RNF213: variants seen among roughly 807,000 people sequenced by gnomAD.
RNF213 encodes E3 ubiquitin-protein ligase RNF213.
RNF213 carries 341 observed loss-of-function variants against 514.4 expected under a neutral mutation model. The observed-to-expected ratio is 0.66, with a 90% CI of 0.61 to 0.73. The LOEUF is 0.73. Ranked by LOEUF, RNF213 falls within the 30% of genes least tolerant of loss-of-function variation. The pLI is 0.00. For synonymous variants in RNF213, 2,655 were observed against 2,658.2 expected (o/e 1.00, Z 0.04); for missense variants, 5,767 against 6,615.6 (o/e 0.87, Z 4.45).
intron 22 of RNF213, 175 bp downstream of exon 22, chr17:80,334,445 C>T (rs1447912622): frequency 1.7e-5 from 11 of 640,186 alleles, no homozygotes; most frequent in South Asian, 7.3e-5. Context: ...GAGTTCACAC[C>T]GGTACAGTAT....
chr17:80,355,773 T>G (rs1599109673), intron 36 of RNF213, among the ~76,000 whole-genome samples: 1 of 67,034 alleles, frequency 1.5e-5, no homozygotes, highest in Non-Finnish European at 2.8e-5. Flanking sequence ...TGAATGGGAA[T>G]GGGGGCTCAT....
At chr17:80,333,836 A>T (rs2077907301) in intron 21 of RNF213, 2 of 451,890 alleles carry the variant, frequency 4.4e-6, no homozygotes, top group Middle Eastern at 1.3e-3. Context: ...GGGTTATGTG[A>T]GGAATTGATT....
intron 67 of RNF213, among the ~76,000 whole-genome samples, chr17:80,390,495 C>G (rs2080422610): frequency 2.6e-5 from 4 of 152,142 alleles, no homozygotes. Flanking sequence ...CTCCCAGGTT[C>G]AAGCGAGTCT....
In RNF213 at chr17:80,375,765, C is replaced by G. The variant is rs780781296; in HGVS notation, c.13080C>G (p.Cys4360Trp). The change falls in exon 51 of 68, where the codon TGC (cysteine) becomes TGG (tryptophan). Residue 4360 changes from cysteine to tryptophan, a missense_variant. By Grantham distance (215) the Cys-to-Trp change is radical. Coordinates refer to ENST00000582970, the MANE Select transcript of RNF213 (RefSeq NM_001256071.3). Reference protein sequence around the residue: ...PLGIKTALKACKTPQSQQSAY... With the variant: ...PLGIKTALKAWKTPQSQQSAY... ...TGATACCCTTGATTTTGCAGGCCTGCAAGACCCCCCAAAGCCAGCAGTCAG... is the reference window on the plus strand; with the variant it reads ...TGATACCCTTGATTTTGCAGGCCTGGAAGACCCCCCAAAGCCAGCAGTCAG... The G allele has an allele frequency of 3.3e-5, 54 of 1,612,848 alleles. No individual in the cohort carries two copies. The Middle Eastern group carries it at 1.2e-3, about 35-fold the overall frequency.
Position 80,352,143 on chromosome 17 carries a change from G to T in RNF213, c.10303+340G>T, listed in dbSNP as rs12051817. 4.5e-5 allele frequency: 11 copies of T among 247,086 alleles called. No individual in the cohort carries two copies. In the South Asian group the frequency reaches 5.6e-4, roughly 13 times the overall value. The allele number at this position is 247,086 out of a possible 1,614,324, so 15.3% of individuals were successfully genotyped here. A position where few individuals can be genotyped will look rare whatever the true frequency, so the allele number is the denominator to read the frequency against. On this transcript the variant is annotated intron_variant, in intron 32 of 67. Transcript: ENST00000582970. Reference sequence around the variant, plus strand: ...GCTGGGATTACAGGTGTGAGCCACCGCACCCAGCCCAGTCAGTGTATTTAT... The same window carrying T: ...GCTGGGATTACAGGTGTGAGCCACCTCACCCAGCCCAGTCAGTGTATTTAT...
rs1028139599 is a variant in RNF213 at position 80,264,318 on chromosome 17, C to T, written c.97+540C>T. Reference sequence around the variant, plus strand: ...CTGCCTGGGTTAGTTTTTGAGGGGCCGTGAGGGGGCCCCAGGACCTGTCCA... The same window carrying T: ...CTGCCTGGGTTAGTTTTTGAGGGGCTGTGAGGGGGCCCCAGGACCTGTCCA... On this transcript the variant is annotated intron_variant, in intron 2 of 67. Coordinates refer to ENST00000582970, the MANE Select transcript of RNF213 (RefSeq NM_001256071.3). The surrounding 1 kb of genome is among the most constrained non-coding windows in gnomAD (Gnocchi z 5.0). Among the ~76,000 whole-genome samples the T allele has an allele frequency of 2.0e-5, 3 of 152,012 alleles. No homozygotes were observed. The highest frequency in any genetic ancestry group is 2.9e-5 in the Non-Finnish European group (2 of 67,988).
intron 14 of RNF213, among the ~76,000 whole-genome samples, chr17:80,310,564 T>C (rs2045535479): frequency 6.6e-6 from 1 of 151,786 alleles, no homozygotes; most frequent in Non-Finnish European, 1.5e-5. Context: ...AATTTTTTTT[T>C]TTTTTGAGAC....
chr17:80,318,786 G>A (rs1389283199), intron 16 of RNF213, among the ~76,000 whole-genome samples: 8 of 152,046 alleles, frequency 5.3e-5, no homozygotes, highest in Non-Finnish European at 1.2e-4. Context: ...TGTTAGCCAG[G>A]ATGGTCTCGA....
chr17:80,307,318 A>G, intron 13 of RNF213, 117 bp downstream of exon 13: 1 of 792,298 alleles, frequency 1.3e-6, no homozygotes, highest in East Asian at 2.6e-5. Context: ...TCATAAATTA[A>G]TATGTGGCCC....
intron 60 of RNF213, 67 bp from the exon 61 acceptor site, chr17:80,385,471 C>T (rs923876231): frequency 9.1e-5 from 122 of 1,347,384 alleles, no homozygotes; most frequent in Non-Finnish European, 1.2e-4. Context: ...GAGCATGTAA[C>T]TAGGGTGGTT....
rs775230817 is a variant in RNF213 at position 80,363,142 on chromosome 17, A to G, written c.11396A>G (p.Lys3799Arg). Residue 3799 changes from lysine (K) to arginine (R), a missense_variant, in exon 40 of 68, where the codon AAA becomes AGA. Physicochemically the swap from Lys to Arg is conservative, Grantham distance 26. Around this residue, in one of 13 missense-constraint regions of RNF213, gnomAD observed 355 missense variants for 358.0 expected, o/e 0.99. Coordinates refer to ENST00000582970, the MANE Select transcript of RNF213 (RefSeq NM_001256071.3). Reference sequence around the variant, plus strand: ...CTGTGGTCCTGCACTAGGAAACTGAAAGCGGCGTCAGAAGCGCCCGAGGAA... The same window carrying G: ...CTGTGGTCCTGCACTAGGAAACTGAGAGCGGCGTCAGAAGCGCCCGAGGAA... ...MALWSCTRKL[K>R]AASEAPEEEV... The G allele has an allele frequency of 1.2e-6, 2 of 1,614,208 alleles. No homozygotes were observed. Among genetic ancestry groups the G allele is most frequent in the Non-Finnish European group, 1.7e-6 (2 of 1,180,040 alleles).
intron 67 of RNF213, among the ~76,000 whole-genome samples, chr17:80,392,773 A>G (rs1488083986): frequency 1.3e-5 from 2 of 152,026 alleles, no homozygotes; most frequent in African/African-American, 2.4e-5. Flanking sequence ...TATTTTTACT[A>G]GAGACAGGGT....
chr17:80,290,434 T>A (rs1020760317), intron 6 of RNF213, 136 bp from the exon 7 acceptor site: 7 of 1,023,784 alleles, frequency 6.8e-6, no homozygotes, highest in Middle Eastern at 3.1e-4. Context: ...AGTGTGCGCG[T>A]GTGTGCATGT....
intron 3 of RNF213, among the ~76,000 whole-genome samples, chr17:80,281,605 CAACTCACA>C (rs2044299150): frequency 6.9e-6 from 1 of 144,308 alleles, no homozygotes; most frequent in African/African-American, 2.6e-5. Context: ...CACACACAGC[CAACTCACA>C]CCACTCACAC....
At position 80,345,263 on chromosome 17, in the gene RNF213, G is replaced by A. The variant is rs2078272581; in HGVS notation, c.6928G>A (p.Asp2310Asn). ...GCCTCACCCATACGTTTTCTTCAAT[G>A]ACGACCACACAACCATGACATTCAT... The part of the protein sequence containing the change: ...SEPHPYVFFN[D>N]DHTTMTFIGF... Residue 2310 changes from aspartate (D) to asparagine (N), a missense_variant, in exon 29 of 68, where the codon GAC becomes AAC. Physicochemically the swap from Asp to Asn is conservative, Grantham distance 23 (BLOSUM62 1). Transcript: ENST00000582970. The surrounding 1 kb of genome is among the most constrained non-coding windows in gnomAD (Gnocchi z 6.0). 3.7e-6 allele frequency: 6 copies of A among 1,614,084 alleles called. No homozygotes were observed. The highest frequency in any genetic ancestry group is 1.1e-5 in the South Asian group (1 of 91,086).
Position 80,351,786 on chromosome 17 carries a change from A to G in RNF213, c.10286A>G (p.Tyr3429Cys), listed in dbSNP as rs568370548. The G allele has an allele frequency of 5.7e-6, 9 of 1,587,730 alleles. No homozygotes were observed. In the East Asian group the frequency reaches 1.1e-4, roughly 20 times the overall value. Residue 3429 changes from tyrosine to cysteine, a missense_variant, in exon 32 of 68, where the codon TAT (tyrosine) becomes TGT (cysteine). This residue lies in a region of RNF213 where 919 missense variants were observed against 1,121.0 expected (regional missense o/e 0.82). Coordinates refer to ENST00000582970, the MANE Select transcript of RNF213 (RefSeq NM_001256071.3). ...KLSRVGRGTA[Y>C]VGFHGGLWQS... ...TCCCGGGTGGGAAGAGGAACAGCCT[A>G]TGTGGGCTTCCACGGAGGTGAGATC...
At position 80,364,503 on chromosome 17, in the gene RNF213, G is replaced by A. The variant is rs147900479; in HGVS notation, c.11821G>A (p.Val3941Ile). Residue 3941 changes from valine to isoleucine, a missense_variant, in exon 42 of 68, where the codon GTC (valine) becomes ATC (isoleucine). This residue lies in a region of RNF213 where 355 missense variants were observed against 358.0 expected (regional missense o/e 0.99). Coordinates refer to ENST00000582970, the MANE Select transcript of RNF213 (RefSeq NM_001256071.3). ...EHVLLGTESR[V>I]PELQGLVTEH... ...CGTGCTCCTAGGAACCGAGAGCCGC[G>A]TCCCCGAGTTACAGGGGCTGGTGAC... 1.8e-3 allele frequency: 2,873 copies of A among 1,614,106 alleles called. 10 individuals are homozygous for A. The highest frequency in any genetic ancestry group is 6.8e-3 in the South Asian group (623 of 91,074).
intron 3 of RNF213, chr17:80,278,650 G>A: frequency 7.4e-7 from 1 of 1,350,468 alleles, no homozygotes; most frequent in Non-Finnish European, 1.0e-6. Flanking sequence ...GGGTGTCCCT[G>A]CCTGGGCCTT....
At position 80,343,419 on chromosome 17, in the gene RNF213, T is replaced by C. The variant is rs2078219024; in HGVS notation, c.6183+94T>C. ...TCCTCCCCGTGTATAGAATTCCTTGTTTCCACACGCACAGTCCTGTGAAGC... is the reference window on the plus strand; with the variant it reads ...TCCTCCCCGTGTATAGAATTCCTTGCTTCCACACGCACAGTCCTGTGAAGC... On this transcript the variant is annotated intron_variant, in intron 27 of 67. Coordinates refer to ENST00000582970, the MANE Select transcript of RNF213 (RefSeq NM_001256071.3). The surrounding 1 kb of genome is among the most constrained non-coding windows in gnomAD (Gnocchi z 4.3). The C allele has an allele frequency of 9.1e-7, 1 of 1,100,326 alleles. No individual in the cohort carries two copies. The highest frequency in any genetic ancestry group is 1.3e-5 in the South Asian group (1 of 75,242). 68.2% of individuals were successfully genotyped at this position (1,100,326 alleles called of 1,614,324 possible).
Sources: allele counts gnomAD v4.1 joint callset (sites outside exome capture counted in the v4.1 genomes callset), GRCh38; gene constraint gnomAD v4.1.1; regional missense constraint gnomAD v4.1.1; non-coding constraint Gnocchi (gnomAD v3.1); transcripts MANE v1.5; gene names NCBI Gene and HGNC (gene_info 2026-07-23, HGNC 2026-07-21).